SH3BGRL: variants seen among roughly 807,000 people sequenced by gnomAD.
The protein encoded by SH3BGRL is SH3 domain binding glutamate rich protein like.
A neutral mutation model predicts 9.8 loss-of-function variants in SH3BGRL; 7 were observed. That is an observed-to-expected ratio of 0.72 (90% CI 0.41 to 1.35). The LOEUF (loss-of-function observed/expected upper bound fraction) is 1.35, where lower values mean the gene tolerates loss of function less well. Among genes scored for constraint, SH3BGRL ranks in the 40% most tolerant of loss-of-function variants. SH3BGRL has a pLI of 0.01. For synonymous variants in SH3BGRL, 36 were observed against 29.1 expected, an observed-to-expected ratio of 1.24 and a Z score of -0.76; for missense variants, 73 against 84.4, an observed-to-expected ratio of 0.86 and a Z score of 0.53.
intron 1 of SH3BGRL, among the ~76,000 whole-genome samples, chrX:81,206,956 T>A (rs1484972406): frequency 8.9e-6 from 1 of 112,726 alleles, no homozygotes; most frequent in Non-Finnish European, 1.9e-5. Flanking sequence ...ATGTCTTAAC[T>A]CACTGTGACA....
intron 1 of SH3BGRL, among the ~76,000 whole-genome samples, chrX:81,267,507 G>C (rs900117584): frequency 1.8e-5 from 2 of 111,802 alleles, no homozygotes; most frequent in Non-Finnish European, 3.8e-5. Context: ...GATGGATTAC[G>C]TTTATTGATT....
At chrX:81,264,370 G>C (rs1027378818) in intron 1 of SH3BGRL, among the ~76,000 whole-genome samples, 1 of 111,483 alleles carries the variant, frequency 9.0e-6, no homozygotes, top group Non-Finnish European at 1.9e-5. Context: ...TACTGAGCAG[G>C]TTTCTTAACA....
chrX:81,267,789 C>A (rs970386334), intron 1 of SH3BGRL, among the ~76,000 whole-genome samples: 2 of 111,086 alleles, frequency 1.8e-5, no homozygotes, highest in Non-Finnish European at 3.8e-5. Flanking sequence ...ACTACGCATG[C>A]AATAAAGCTC....
At chrX:81,205,504 G>GTGTATA (rs1359477949) in intron 1 of SH3BGRL, among the ~76,000 whole-genome samples, 22 of 85,154 alleles carry the variant, frequency 2.6e-4, no homozygotes, top group Middle Eastern at 5.7e-3. Flanking sequence ...GTGTGTGTGT[G>GTGTATA]TATATATATA....
intron 1 of SH3BGRL, among the ~76,000 whole-genome samples, chrX:81,253,548 C>A (rs1291209762): frequency 9.0e-6 from 1 of 110,630 alleles, no homozygotes; most frequent in Non-Finnish European, 1.9e-5. Flanking sequence ...ATCCATGACT[C>A]CTATTTTTAA....
At chrX:81,269,816 C>T (rs972947959) in intron 1 of SH3BGRL, among the ~76,000 whole-genome samples, 2 of 111,423 alleles carry the variant, frequency 1.8e-5, no homozygotes, top group Non-Finnish European at 3.8e-5. Flanking sequence ...GAGTGTTTTC[C>T]AACTTGTTTC....
intron 1 of SH3BGRL, among the ~76,000 whole-genome samples, chrX:81,273,289 G>A (rs764809818): frequency 1.0e-3 from 113 of 112,534 alleles, no homozygotes; most frequent in South Asian, 2.2e-3. Context: ...TCTCATTGGC[G>A]TTGCCATTCT....
At chrX:81,288,943 A>G (rs1468927034) in intron 3 of SH3BGRL, among the ~76,000 whole-genome samples, 3 of 112,215 alleles carry the variant, frequency 2.7e-5, no homozygotes, top group African/African-American at 9.7e-5. Flanking sequence ...TTCATGGGTA[A>G]CCACAAAAGA....
chrX:81,248,871 G>GGGA (rs2075699559), intron 1 of SH3BGRL, among the ~76,000 whole-genome samples: 1 of 111,492 alleles, frequency 9.0e-6, no homozygotes, highest in Non-Finnish European at 1.9e-5. Flanking sequence ...ATGAATCATA[G>GGGA]GGAGAGGCTC....
At chrX:81,273,798 C>T (rs1221714758) in intron 1 of SH3BGRL, among the ~76,000 whole-genome samples, 4 of 111,012 alleles carry the variant, frequency 3.6e-5, no homozygotes, top group Non-Finnish European at 7.5e-5. Context: ...TTGTCACTCC[C>T]CTTTTTTGAA....
intron 3 of SH3BGRL, among the ~76,000 whole-genome samples, chrX:81,294,391 G>A (rs1387360405): frequency 9.1e-6 from 1 of 110,003 alleles, no homozygotes; most frequent in Admixed American, 9.7e-5. Context: ...GACTAAAAGG[G>A]GCCAAAGTAC....
At chrX:81,275,167 C>T (rs1354924270) in intron 1 of SH3BGRL, among the ~76,000 whole-genome samples, 1 of 111,337 alleles carries the variant, frequency 9.0e-6, no homozygotes, top group African/African-American at 3.3e-5. Flanking sequence ...CTTAAAGGTC[C>T]TCTGCTCATG....
intron 1 of SH3BGRL, among the ~76,000 whole-genome samples, chrX:81,223,271 T>A (rs1055545752): frequency 1.8e-5 from 2 of 111,936 alleles, no homozygotes; most frequent in African/African-American, 6.5e-5. Context: ...CTGAATGGTA[T>A]TGCCTAGGTT....
intron 1 of SH3BGRL, among the ~76,000 whole-genome samples, chrX:81,253,001 A>G (rs1347010362): frequency 1.8e-5 from 2 of 112,298 alleles, no homozygotes; most frequent in African/African-American, 6.5e-5. Flanking sequence ...TAAGGATTCT[A>G]TGTTATTTTC....
intron 1 of SH3BGRL, among the ~76,000 whole-genome samples, chrX:81,216,848 G>A (rs920956912): frequency 1.8e-5 from 2 of 111,204 alleles, no homozygotes; most frequent in African/African-American, 3.3e-5. Context: ...ATCTGTCAAC[G>A]GACACATAAG....
chrX:81,287,949 G>A (rs2075841446), intron 3 of SH3BGRL, among the ~76,000 whole-genome samples: 1 of 105,172 alleles, frequency 9.5e-6, no homozygotes, highest in South Asian at 4.1e-4. Context: ...AAGAAAGAAG[G>A]AAGGAAGGAA....
At chrX:81,235,044 C>T (rs2075643686) in intron 1 of SH3BGRL, among the ~76,000 whole-genome samples, 1 of 111,259 alleles carries the variant, frequency 9.0e-6, no homozygotes, top group South Asian at 3.8e-4. Flanking sequence ...TTACCTTTTC[C>T]CTCATCTCAG....
At chrX:81,282,535 C>T (rs1236741982) in intron 3 of SH3BGRL, among the ~76,000 whole-genome samples, 4 of 111,661 alleles carry the variant, frequency 3.6e-5, no homozygotes, top group Non-Finnish European at 7.5e-5. Context: ...ACCTTCAAAA[C>T]CATGGAAATA....
At chrX:81,236,574 A>C (rs993345441) in intron 1 of SH3BGRL, among the ~76,000 whole-genome samples, 1 of 111,755 alleles carries the variant, frequency 8.9e-6, no homozygotes, top group African/African-American at 3.3e-5. Context: ...ATCCATGGGA[A>C]TGCGACTCAA....
Sources: allele counts gnomAD v4.1 joint callset (sites outside exome capture counted in the v4.1 genomes callset), GRCh38; gene constraint gnomAD v4.1.1; transcripts MANE v1.5; gene names NCBI Gene and HGNC (gene_info 2026-07-23, HGNC 2026-07-21).